DLGAP1: variants seen among roughly 807,000 people sequenced by gnomAD.
DLGAP1 encodes disks large-associated protein 1.
Under a neutral mutation model 90.8 loss-of-function variants are expected in DLGAP1, and 11 were observed. That is an observed-to-expected ratio of 0.12 (90% CI 0.08 to 0.20). The LOEUF (loss-of-function observed/expected upper bound fraction) is 0.20, where lower values mean the gene tolerates loss of function less well. Among genes scored for constraint, DLGAP1 ranks in the 10% least tolerant of loss-of-function variants. The pLI is 1.00. For synonymous variants in DLGAP1, 558 were observed against 540.7 expected (o/e 1.03, Z -0.44); for missense variants, 1,050 against 1,333.8 (o/e 0.79, Z 3.31).
chr18:4,200,644 A>G (rs1252654620), intron 1 of DLGAP1, among the ~76,000 whole-genome samples: 1 of 151,926 alleles, frequency 6.6e-6, no homozygotes, highest in Non-Finnish European at 1.5e-5. Flanking sequence ...TTTTTACTAC[A>G]ATGGCCAGAA....
At chr18:4,025,257 A>G (rs1183754218) in intron 2 of DLGAP1, among the ~76,000 whole-genome samples, 1 of 152,202 alleles carries the variant, frequency 6.6e-6, no homozygotes, top group African/African-American at 2.4e-5. Flanking sequence ...CAAAGAGGTG[A>G]GTACTGCTAT....
chr18:4,201,747 G>A (rs2077610939), intron 1 of DLGAP1, among the ~76,000 whole-genome samples: 2 of 151,994 alleles, frequency 1.3e-5, no homozygotes, highest in African/African-American at 4.8e-5. Context: ...TAACCATCAG[G>A]AAAATCCAAA....
At chr18:4,228,589 G>A (rs1598668745) in intron 1 of DLGAP1, among the ~76,000 whole-genome samples, 1 of 152,074 alleles carries the variant, frequency 6.6e-6, no homozygotes, top group South Asian at 2.1e-4. Flanking sequence ...TAACAACCAT[G>A]TGATCATTTC....
chr18:3,832,752 C>T (rs1412063415), intron 4 of DLGAP1, among the ~76,000 whole-genome samples: 1 of 151,772 alleles, frequency 6.6e-6, no homozygotes, highest in Non-Finnish European at 1.5e-5. Flanking sequence ...CCCAAACCAG[C>T]CATATGCTCT....
At chr18:4,158,277 G>GT in intron 1 of DLGAP1, among the ~76,000 whole-genome samples, 1 of 152,058 alleles carries the variant, frequency 6.6e-6, no homozygotes, top group Non-Finnish European at 1.5e-5. Flanking sequence ...TTATATTTTT[G>GT]TTTTTTATTT....
At chr18:4,427,153 C>T (rs145880254) in intron 1 of DLGAP1, among the ~76,000 whole-genome samples, 92 of 152,220 alleles carry the variant, frequency 6.0e-4, no homozygotes, top group Non-Finnish European at 1.2e-3. Flanking sequence ...CAGACACAGT[C>T]GGAGATTAAT....
chr18:4,167,142 G>A (rs2076946517), intron 1 of DLGAP1, among the ~76,000 whole-genome samples: 1 of 151,600 alleles, frequency 6.6e-6, no homozygotes, highest in East Asian at 1.9e-4. Context: ...AAGAACCAGA[G>A]GAAATAAACA....
At chr18:4,420,649 A>C (rs946236233) in intron 1 of DLGAP1, among the ~76,000 whole-genome samples, 1 of 152,202 alleles carries the variant, frequency 6.6e-6, no homozygotes, top group African/African-American at 2.4e-5. Context: ...CTATGCACTG[A>C]TAAATCTCAG....
chr18:3,710,827 C>T (rs544931084), intron 7 of DLGAP1, among the ~76,000 whole-genome samples: 7 of 152,222 alleles, frequency 4.6e-5, no homozygotes, highest in South Asian at 2.1e-4. Flanking sequence ...ACTCCAGGCA[C>T]GGGTGTAGGG....
chr18:4,410,089 A>G (rs1365897199), intron 1 of DLGAP1, among the ~76,000 whole-genome samples: 1 of 152,180 alleles, frequency 6.6e-6, no homozygotes, highest in East Asian at 1.9e-4. Context: ...TCTCACTGAT[A>G]TGTGGGAGGT....
At chr18:4,204,176 T>C (rs113458155) in intron 1 of DLGAP1, among the ~76,000 whole-genome samples, 5 of 152,352 alleles carry the variant, frequency 3.3e-5, no homozygotes, top group African/African-American at 1.2e-4. Context: ...CTGTACATAA[T>C]AGTGTCAATA....
At chr18:3,813,252 T>C (rs1462891278) in intron 5 of DLGAP1, among the ~76,000 whole-genome samples, 1 of 152,222 alleles carries the variant, frequency 6.6e-6, no homozygotes, top group African/African-American at 2.4e-5. Flanking sequence ...TGTTTGGATA[T>C]ATTTACATAA....
At chr18:3,702,463 C>T (rs2061313117) in intron 7 of DLGAP1, among the ~76,000 whole-genome samples, 1 of 152,228 alleles carries the variant, frequency 6.6e-6, no homozygotes, top group Non-Finnish European at 1.5e-5. Context: ...TGGCAATAGA[C>T]AAGTTCCCAA....
intron 4 of DLGAP1, among the ~76,000 whole-genome samples, chr18:3,837,909 T>C (rs1267507028): frequency 7.4e-6 from 1 of 135,908 alleles, no homozygotes; most frequent in African/African-American, 2.8e-5. Context: ...ATGCAAATTG[T>C]ACACATTTCT....
chr18:4,452,487 T>A (rs1053136213), intron 1 of DLGAP1, among the ~76,000 whole-genome samples: 15 of 150,968 alleles, frequency 9.9e-5, no homozygotes, highest in Non-Finnish European at 1.9e-4. Context: ...TTAAAAAAAA[T>A]CAATCTAAAT....
intron 2 of DLGAP1, among the ~76,000 whole-genome samples, chr18:4,031,456 C>T (rs781361042): frequency 6.6e-6 from 1 of 152,144 alleles, no homozygotes; most frequent in African/African-American, 2.4e-5. Context: ...TAAGTGCACC[C>T]GGAAAGGGTA....
At chr18:3,782,140 ATT>A (rs1477542106) in intron 5 of DLGAP1, among the ~76,000 whole-genome samples, 4 of 140,456 alleles carry the variant, frequency 2.8e-5, no homozygotes, top group Admixed American at 1.4e-4. Flanking sequence ...TTGCTCTAAG[ATT>A]TTTTTTTTTT....
chr18:4,301,853 A>G (rs1365072796), intron 1 of DLGAP1, among the ~76,000 whole-genome samples: 1 of 152,024 alleles, frequency 6.6e-6, no homozygotes, highest in Non-Finnish European at 1.5e-5. Flanking sequence ...TGAGGTAACA[A>G]TCATTGTGGT....
intron 2 of DLGAP1, among the ~76,000 whole-genome samples, chr18:4,094,508 G>C: frequency 6.6e-6 from 1 of 151,266 alleles, no homozygotes; most frequent in East Asian, 1.9e-4. Flanking sequence ...GTTTTCTGTA[G>C]AATTGATTCT....
Sources: gnomAD v4.1 joint callset for allele counts (sites outside exome capture counted in the v4.1 genomes callset) on GRCh38, gnomAD v4.1.1 for gene constraint, MANE v1.5 for transcripts, NCBI Gene and HGNC (gene_info 2026-07-23, HGNC 2026-07-21) for gene names.